The following CAMK4 variants were observed in gnomAD, a reference collection of about 807,000 sequenced individuals.
CAMK4 encodes the protein calcium/calmodulin-dependent protein kinase type IV.
Under a neutral mutation model 44.9 loss-of-function variants are expected in CAMK4, and 22 were observed. The observed-to-expected ratio is 0.49, with a 90% confidence interval of 0.35 to 0.70. The LOEUF is 0.70. CAMK4 is among the 30% of genes least tolerant of loss of function. The pLI is 0.01. For synonymous variants in CAMK4, 218 were observed against 215.4 expected (o/e 1.01, Z -0.11); for missense variants, 498 against 586.8 (o/e 0.85, Z 1.56).
At chr5:111,429,017 A>G (rs1327240002) in intron 5 of CAMK4, among the ~76,000 whole-genome samples, 4 of 152,222 alleles carry the variant, frequency 2.6e-5, no homozygotes, top group African/African-American at 7.2e-5. Context: ...GTTTATAGCT[A>G]TATGTACCTA....
rs1465075459 is a variant in CAMK4 at position 111,394,668 on chromosome 5, A to G, written c.387-42A>G. ...ACTTCTTTTAATATCCATTCTTCTG[A>G]ATGAATGTGCCTGAGAAGCATTTCC... On this transcript the variant is annotated intron_variant, in intron 4 of 10. Transcript: ENST00000282356. 3 of 1,332,404 alleles carry G rather than the reference A, an allele frequency of 2.3e-6. No homozygotes were observed. In the East Asian group the frequency reaches 7.0e-5, roughly 31 times the overall value. 82.5% of individuals were successfully genotyped at this position (1,332,404 alleles called of 1,614,324 possible). A position where few individuals can be genotyped will look rare whatever the true frequency, so the allele number is the denominator to read the frequency against.
intron 1 of CAMK4, among the ~76,000 whole-genome samples, chr5:111,257,809 T>C (rs965897750): frequency 6.6e-6 from 1 of 152,212 alleles, no homozygotes; most frequent in African/African-American, 2.4e-5. Flanking sequence ...AGGAATACTA[T>C]GCAGCCATAA....
chr5:111,342,571 T>TA (rs1554062933), intron 1 of CAMK4, among the ~76,000 whole-genome samples: 2 of 151,290 alleles, frequency 1.3e-5, no homozygotes, highest in Admixed American at 6.6e-5. Context: ...GATTTTTTTT[T>TA]ATCCAATCTG....
intron 1 of CAMK4, among the ~76,000 whole-genome samples, chr5:111,335,596 A>G (rs1749367539): frequency 6.6e-6 from 1 of 151,396 alleles, no homozygotes; most frequent in Admixed American, 6.6e-5. Flanking sequence ...TGTTAAGGCC[A>G]ACTGACAGAT....
rs1444354327 is a variant in CAMK4 at position 111,488,301 on chromosome 5, A to AT, written c.*3841dup. 1 of 152,206 alleles carries AT rather than the reference A, an allele frequency of 6.6e-6. No individual in the cohort carries two copies. Among genetic ancestry groups the AT allele is most frequent in the Non-Finnish European group, 1.5e-5 (1 of 68,040 alleles). 9.4% of individuals were successfully genotyped at this position (152,206 alleles called of 1,614,324 possible). A position where few individuals can be genotyped will look rare whatever the true frequency, so the allele number is the denominator to read the frequency against. On this transcript the variant is annotated 3_prime_UTR_variant, in exon 11 of 11. Transcript: ENST00000282356. ...AGTGGGAATATGACCATTAGCTGGC[A>AT]TTTTTTAAGATTTCCTTAGAAGGGT... is the stretch of plus-strand genomic sequence containing the variant.
At chr5:111,299,147 T>G (rs1457578757) in intron 1 of CAMK4, among the ~76,000 whole-genome samples, 1 of 152,238 alleles carries the variant, frequency 6.6e-6, no homozygotes, top group Non-Finnish European at 1.5e-5. Context: ...ATGGCTGCGC[T>G]TTAGTCAGGA....
rs562342656 is a variant in CAMK4, at chr5:111,234,859, A to G, written c.161+10215A>G. ...TTACCTGTTTTCTTTACAAGTTTGT[A>G]GTAGCATGCTTTGTTAAAAGTGCAC... On this transcript the variant is annotated intron_variant, in intron 1 of 10. Coordinates refer to ENST00000282356, the MANE Select transcript of CAMK4 (RefSeq NM_001744.6). Among the ~76,000 whole-genome samples the G allele has an allele frequency of 5.3e-5, 8 of 152,346 alleles. No homozygotes were observed. The East Asian group carries it at 1.5e-3, about 29-fold the overall frequency.
chr5:111,393,035 G>T (rs1389142210), intron 4 of CAMK4, among the ~76,000 whole-genome samples: 2 of 152,112 alleles, frequency 1.3e-5, no homozygotes, highest in Non-Finnish European at 2.9e-5. Context: ...GTTGGTGAAT[G>T]AACTCATTAT....
chr5:111,239,595 G>C (rs1391596650), intron 1 of CAMK4, among the ~76,000 whole-genome samples: 1 of 152,178 alleles, frequency 6.6e-6, no homozygotes, highest in Non-Finnish European at 1.5e-5. Flanking sequence ...TAGAGTCCCA[G>C]TTCGGCCACT....
At chr5:111,418,901 A>G (rs1752916163) in intron 5 of CAMK4, among the ~76,000 whole-genome samples, 1 of 152,142 alleles carries the variant, frequency 6.6e-6, no homozygotes, top group Non-Finnish European at 1.5e-5. Context: ...CGCAATAAAC[A>G]TATGTGTGCA....
intron 1 of CAMK4, among the ~76,000 whole-genome samples, chr5:111,245,062 T>C (rs1202530686): frequency 6.6e-6 from 1 of 152,146 alleles, no homozygotes; most frequent in East Asian, 1.9e-4. Flanking sequence ...ATTACTAGAA[T>C]ATTTAGCAAA....
Position 111,478,427 on chromosome 5 carries a change from A to C in CAMK4, c.748A>C (p.Met250Leu), listed in dbSNP as rs1177694821. Residue 250 changes from methionine (M) to leucine (L), a missense_variant, in exon 9 of 11, where the codon ATG becomes CTG. By Grantham distance (15) the Met-to-Leu change is conservative (BLOSUM62 2). Transcript: ENST00000282356. ...PFYDERGDQF[M>L]FRRILNCEYY... ...CTATGATGAAAGAGGCGATCAGTTC[A>C]TGTTCAGGAGAATTCTGAATTGTGA... is the stretch of plus-strand genomic sequence containing the variant. 5.7e-6 allele frequency: 9 copies of C among 1,577,428 alleles called. No individual in the cohort carries two copies. Among genetic ancestry groups the C allele is most frequent in the Non-Finnish European group, 7.8e-6 (9 of 1,149,020 alleles).
chr5:111,259,850 C>G (rs1336979298), intron 1 of CAMK4, among the ~76,000 whole-genome samples: 4 of 152,116 alleles, frequency 2.6e-5, no homozygotes, highest in Non-Finnish European at 4.4e-5. Context: ...AACAACCTGA[C>G]AGGTTCTGGG....
rs918265875 is a variant in CAMK4, at chr5:111,298,979, T to A, written c.162-45045T>A. Among the ~76,000 whole-genome samples the A allele has an allele frequency of 2.6e-5, 4 of 152,240 alleles. No homozygotes were observed. In the East Asian group the frequency reaches 7.7e-4, roughly 29 times the overall value. Reference sequence around the variant, plus strand: ...GTGGGCATCTCTAGGCTCTGGCCTATGCTGGGCCCTCAGTCATAAGTAGCT... The same window carrying A: ...GTGGGCATCTCTAGGCTCTGGCCTAAGCTGGGCCCTCAGTCATAAGTAGCT... On this transcript the variant is annotated intron_variant, in intron 1 of 10. Transcript: ENST00000282356.
At position 111,398,545 on chromosome 5, in the gene CAMK4, C is replaced by A. The variant is rs115717502; in HGVS notation, c.459+3763C>A. Among the ~76,000 whole-genome samples, 1,348 of 152,272 alleles carry A rather than the reference C, an allele frequency of 8.9e-3. 20 individuals carry two copies. The highest frequency in any genetic ancestry group is 0.031 in the African/African-American group (1,288 of 41,560). On this transcript the variant is annotated intron_variant, in intron 5 of 10. Transcript: ENST00000282356. ...CCTAGGTGCGGTTTTGAATGACAGT[C>A]TGTTGTTTGTCAGAAAACCATGATT...
At chr5:111,447,461 T>C (rs60268251) in intron 6 of CAMK4, among the ~76,000 whole-genome samples, 47,070 of 152,098 alleles carry the variant, frequency 0.31, 7,805 homozygotes, top group Non-Finnish European at 0.37. Flanking sequence ...TATGAGACTT[T>C]TTTAAAATTT....
chr5:111,257,904 C>A (rs11955143), intron 1 of CAMK4, among the ~76,000 whole-genome samples: 37,636 of 151,992 alleles, frequency 0.25, 5,342 homozygotes, highest in African/African-American at 0.39. Flanking sequence ...AACAGAAAAA[C>A]CAAACACTGC....
At chr5:111,432,085 T>C (rs1172460982) in intron 5 of CAMK4, among the ~76,000 whole-genome samples, 1 of 152,136 alleles carries the variant, frequency 6.6e-6, no homozygotes, top group African/African-American at 2.4e-5. Context: ...TTACAATAGC[T>C]AAGATTTGGA....
In CAMK4 at chr5:111,404,513, A is replaced by G. The variant is rs192215532; in HGVS notation, c.459+9731A>G. ...TTGTTTAGCTGCTAGAGAAAAAGAA[A>G]AACCTTGTGGCAGATAGAACATAGT... On this transcript the variant is annotated intron_variant, in intron 5 of 10. Coordinates refer to ENST00000282356, the MANE Select transcript of CAMK4 (RefSeq NM_001744.6). Among the ~76,000 whole-genome samples, 260 of 152,320 alleles carry G rather than the reference A, an allele frequency of 1.7e-3. 6 individuals are homozygous for G. Among genetic ancestry groups the G allele is most frequent in the Admixed American group, 0.015 (233 of 15,294 alleles).
Sources: gnomAD v4.1 joint callset for allele counts (sites outside exome capture counted in the v4.1 genomes callset) on GRCh38, gnomAD v4.1.1 for gene constraint, MANE v1.5 for transcripts, NCBI Gene and HGNC (gene_info 2026-07-23, HGNC 2026-07-21) for gene names.